Variants in EPHB1 observed in about 807,000 individuals in gnomAD.
EPHB1 encodes ephrin type-B receptor 1.
Under a neutral mutation model 94.4 loss-of-function variants are expected in EPHB1, and 30 were observed. The ratio of observed to expected loss-of-function variants is 0.32; its 90% CI spans 0.24 to 0.43. The LOEUF is 0.43. EPHB1 is among the 20% of genes least tolerant of loss of function. The pLI is 1.00. For missense variants in EPHB1, 1,055 were observed against 1,308.3 expected (o/e 0.81, Z 2.99); for synonymous variants, 522 against 489.1 (o/e 1.07, Z -0.89).
intron 4 of EPHB1, among the ~76,000 whole-genome samples, chr3:135,110,880 G>T (rs9851553): frequency 4.6e-4 from 70 of 152,124 alleles, no homozygotes; most frequent in African/African-American, 1.7e-3. Flanking sequence ...GGGTGGGGGG[G>T]TGGTGTCCCT....
chr3:135,109,944 G>C (rs554670128), intron 4 of EPHB1, among the ~76,000 whole-genome samples: 8 of 152,198 alleles, frequency 5.3e-5, no homozygotes, highest in Middle Eastern at 3.2e-3. Context: ...GGGGTCAGCC[G>C]GGCAGAGGGA....
At chr3:134,876,769 G>A (rs747613342) in intron 1 of EPHB1, among the ~76,000 whole-genome samples, 27 of 152,152 alleles carry the variant, frequency 1.8e-4, no homozygotes, top group Admixed American at 1.0e-3. Flanking sequence ...ACTGAAAGTG[G>A]GAGAGAGTAT....
At chr3:135,030,809 G>A (rs1418272575) in intron 3 of EPHB1, among the ~76,000 whole-genome samples, 2 of 152,276 alleles carry the variant, frequency 1.3e-5, no homozygotes, top group Non-Finnish European at 2.9e-5. Context: ...AATGGTGGGC[G>A]CCCCTCCCCC....
At chr3:134,811,534 C>T (rs4955501) in intron 1 of EPHB1, among the ~76,000 whole-genome samples, 88,784 of 151,734 alleles carry the variant, frequency 0.59, 29,160 homozygotes, top group East Asian at 0.78. Flanking sequence ...CCAATGCGCC[C>T]GGCCTAAGAA....
rs114044802 is a variant in EPHB1, at chr3:135,236,911, C to A, written c.2347-4237C>A. Among the ~76,000 whole-genome samples, 523 of 152,240 alleles carry A rather than the reference C, an allele frequency of 3.4e-3. 2 individuals are homozygous for A. Among genetic ancestry groups the A allele is most frequent in the Middle Eastern group, 0.014 (4 of 294 alleles). ...AATCAGTCATATGCCTGGACTTTGG[C>A]CTGGAAAACTTCATACTTGGGTGGG... On this transcript the variant is annotated intron_variant, in intron 12 of 15. Coordinates refer to ENST00000398015, the MANE Select transcript of EPHB1 (RefSeq NM_004441.5).
chr3:135,068,278 A>G (rs1257045275), intron 3 of EPHB1, among the ~76,000 whole-genome samples: 3 of 152,108 alleles, frequency 2.0e-5, no homozygotes, highest in Admixed American at 6.5e-5. Context: ...TGGCTATACC[A>G]TTTTACATTC....
chr3:135,091,069 A>AC (rs1339521641), intron 3 of EPHB1, among the ~76,000 whole-genome samples: 3 of 152,186 alleles, frequency 2.0e-5, no homozygotes, highest in Non-Finnish European at 2.9e-5. Context: ...GAGATGCAGC[A>AC]CCTCTTAGCT....
intron 9 of EPHB1, among the ~76,000 whole-genome samples, chr3:135,175,000 G>A (rs536415699): frequency 2.3e-4 from 35 of 152,252 alleles, no homozygotes; most frequent in Non-Finnish European, 3.7e-4. Context: ...GTGGGTATTC[G>A]TGATCTCCAC....
intron 1 of EPHB1, among the ~76,000 whole-genome samples, chr3:134,878,733 A>ACCAC (rs1284719611): frequency 6.6e-6 from 1 of 152,190 alleles, no homozygotes; most frequent in East Asian, 1.9e-4. Flanking sequence ...TCACACACCA[A>ACCAC]CCACCCTGAT....
chr3:135,128,551 G>A (rs1351101857), intron 4 of EPHB1, among the ~76,000 whole-genome samples: 1 of 152,178 alleles, frequency 6.6e-6, no homozygotes, highest in Admixed American at 6.5e-5. Context: ...TGCCAGCCCT[G>A]GAGCGGGCCT....
At chr3:134,923,146 A>C (rs2038722063) in intron 1 of EPHB1, among the ~76,000 whole-genome samples, 1 of 152,202 alleles carries the variant, frequency 6.6e-6, no homozygotes, top group African/African-American at 2.4e-5. Context: ...AAACTTAAGA[A>C]GCCTGCTCCA....
At chr3:135,080,221 AG>A (rs1412265846) in intron 3 of EPHB1, among the ~76,000 whole-genome samples, 1 of 152,190 alleles carries the variant, frequency 6.6e-6, no homozygotes, top group African/African-American at 2.4e-5. Context: ...AGCCTGGTCC[AG>A]GTGTGATGCA....
intron 3 of EPHB1, among the ~76,000 whole-genome samples, chr3:135,082,622 G>T (rs144869014): frequency 2.0e-5 from 3 of 152,190 alleles, no homozygotes; most frequent in Non-Finnish European, 2.9e-5. Context: ...GGATAGGGTG[G>T]AATGTGAGCT....
chr3:135,128,037 C>A (rs985630590), intron 4 of EPHB1, among the ~76,000 whole-genome samples: 1 of 152,174 alleles, frequency 6.6e-6, no homozygotes, highest in African/African-American at 2.4e-5. Flanking sequence ...TCAGAAGTAA[C>A]CGTGGCAACA....
At chr3:134,909,393 G>C (rs2038407111) in intron 1 of EPHB1, among the ~76,000 whole-genome samples, 1 of 152,228 alleles carries the variant, frequency 6.6e-6, no homozygotes, top group African/African-American at 2.4e-5. Context: ...GAGACTGCGT[G>C]ACCACCTGGG....
At chr3:135,228,432 G>A (rs1392282477) in intron 12 of EPHB1, among the ~76,000 whole-genome samples, 1 of 151,804 alleles carries the variant, frequency 6.6e-6, no homozygotes, top group African/African-American at 2.4e-5. Flanking sequence ...TTAAATTTTG[G>A]TAGCTGTTTA....
At chr3:135,141,562 G>A (rs951057077) in intron 5 of EPHB1, among the ~76,000 whole-genome samples, 2 of 152,122 alleles carry the variant, frequency 1.3e-5, no homozygotes, top group Non-Finnish European at 1.5e-5. Flanking sequence ...AAGGAAGCTT[G>A]CTAGGAGGTG....
At chr3:135,000,022 T>C (rs1048176317) in intron 3 of EPHB1, among the ~76,000 whole-genome samples, 1 of 152,160 alleles carries the variant, frequency 6.6e-6, no homozygotes. Flanking sequence ...GGTCCTCTGG[T>C]CCCCAGGCTG....
intron 1 of EPHB1, among the ~76,000 whole-genome samples, chr3:134,915,820 T>C (rs2038557546): frequency 6.6e-6 from 1 of 152,162 alleles, no homozygotes; most frequent in Non-Finnish European, 1.5e-5. Context: ...TTACATCTCA[T>C]AAAGGCGTTG....
Sources: allele counts gnomAD v4.1 joint callset (sites outside exome capture counted in the v4.1 genomes callset), GRCh38; gene constraint gnomAD v4.1.1; transcripts MANE v1.5; gene names NCBI Gene and HGNC (gene_info 2026-07-23, HGNC 2026-07-21).